Variants in GRID1 observed in about 807,000 individuals in gnomAD.
GRID1 encodes glutamate receptor ionotropic, delta-1.
In GRID1, 28 loss-of-function variants were observed where a neutral mutation model predicts 98.0. That is an observed-to-expected ratio of 0.29 (90% confidence interval 0.21 to 0.39). The LOEUF (loss-of-function observed/expected upper bound fraction) is 0.39. GRID1 is among the 10% of genes least tolerant of loss of function. The pLI is 1.00. For missense variants in GRID1, 1,111 were observed against 1,340.5 expected (o/e 0.83, Z 2.67); for synonymous variants, 553 against 538.5 (o/e 1.03, Z -0.37).
At chr10:85,792,766 T>C (rs1590234446) in intron 8 of GRID1, among the ~76,000 whole-genome samples, 1 of 152,292 alleles carries the variant, frequency 6.6e-6, no homozygotes, top group East Asian at 1.9e-4. Flanking sequence ...AGTGGAATGA[T>C]GGAAATGACA....
chr10:85,882,276 T>G (rs1400767163), intron 5 of GRID1, among the ~76,000 whole-genome samples: 4 of 152,210 alleles, frequency 2.6e-5, no homozygotes, highest in African/African-American at 4.8e-5. Flanking sequence ...TTACTGGATA[T>G]ATACCCAAAG....
At chr10:85,664,615 C>A (rs987860164) in intron 12 of GRID1, among the ~76,000 whole-genome samples, 1 of 152,138 alleles carries the variant, frequency 6.6e-6, no homozygotes, top group African/African-American at 2.4e-5. Flanking sequence ...CACTGACAGC[C>A]GAGCTTGAAG....
At chr10:86,288,444 A>T (rs1259715298) in intron 2 of GRID1, among the ~76,000 whole-genome samples, 2 of 152,216 alleles carry the variant, frequency 1.3e-5, no homozygotes, top group African/African-American at 4.8e-5. Context: ...GCCTACAAGT[A>T]AGGCTTTTAG....
chr10:85,866,818 G>A (rs951613161), intron 6 of GRID1, among the ~76,000 whole-genome samples: 5 of 152,132 alleles, frequency 3.3e-5, no homozygotes, highest in Non-Finnish European at 7.3e-5. Flanking sequence ...TTTGAACCCA[G>A]GTGACTTGAT....
At chr10:86,325,626 A>T (rs1848038289) in intron 2 of GRID1, among the ~76,000 whole-genome samples, 1 of 152,256 alleles carries the variant, frequency 6.6e-6, no homozygotes, top group African/African-American at 2.4e-5. Context: ...GAACACTTAA[A>T]ACATTCTTTT....
intron 4 of GRID1, among the ~76,000 whole-genome samples, chr10:86,057,093 C>A (rs1342753588): frequency 6.6e-6 from 1 of 152,214 alleles, no homozygotes; most frequent in Non-Finnish European, 1.5e-5. Flanking sequence ...CCTCGAGAAC[C>A]CTCCAGTGAG....
intron 2 of GRID1, among the ~76,000 whole-genome samples, chr10:86,216,300 T>C (rs983932573): frequency 6.6e-6 from 1 of 152,236 alleles, no homozygotes; most frequent in Non-Finnish European, 1.5e-5. Context: ...GAAGCAGAGA[T>C]ATTCAGAAGA....
Position 85,708,403 on chromosome 10 carries a change from CAA to C in GRID1, c.1997+14598_1997+14599del, listed in dbSNP as rs61626333. ...TGGGGCACAAAGCAAGACTCTGTCT[CAA>C]AAAAAAAAAAAATACAAGATTAATA... On this transcript the variant is annotated intron_variant, in intron 12 of 15. Coordinates refer to ENST00000327946, the MANE Select transcript of GRID1 (RefSeq NM_017551.3). 2.8e-3 allele frequency among the ~76,000 whole-genome samples: 310 copies of C among 110,634 alleles called. 2 individuals carry two copies. Among genetic ancestry groups the C allele is most frequent in the Non-Finnish European group, 4.5e-3 (224 of 49,646 alleles). The allele number at this position is 110,634 out of a possible 152,430, so 72.6% of individuals were successfully genotyped here.
intron 8 of GRID1, among the ~76,000 whole-genome samples, chr10:85,782,909 T>A (rs956537353): frequency 6.6e-6 from 1 of 152,098 alleles, no homozygotes; most frequent in Non-Finnish European, 1.5e-5. Flanking sequence ...AAGACACACA[T>A]TGACATGGGA....
At chr10:86,042,954 G>A (rs372817362) in intron 4 of GRID1, among the ~76,000 whole-genome samples, 19 of 152,148 alleles carry the variant, frequency 1.2e-4, no homozygotes, top group African/African-American at 3.9e-4. Flanking sequence ...GCATGGTGGT[G>A]TGTGCCTGTA....
chr10:85,808,120 G>T (rs78321749), intron 8 of GRID1, among the ~76,000 whole-genome samples: 5,028 of 152,168 alleles, frequency 0.033, 126 homozygotes, highest in Non-Finnish European at 0.047. Flanking sequence ...TCAAAATGTA[G>T]AAAATAACTG....
intron 5 of GRID1, among the ~76,000 whole-genome samples, chr10:85,899,541 A>G (rs1437917899): frequency 6.6e-6 from 1 of 152,230 alleles, no homozygotes; most frequent in African/African-American, 2.4e-5. Context: ...CAATCCTATT[A>G]TAACTGAGAT....
chr10:85,784,165 C>A (rs1295313479), intron 8 of GRID1, among the ~76,000 whole-genome samples: 1 of 152,180 alleles, frequency 6.6e-6, no homozygotes, highest in Non-Finnish European at 1.5e-5. Context: ...CCTTCTCTTG[C>A]AAGAATTATT....
At chr10:86,040,082 G>A (rs1232237242) in intron 4 of GRID1, among the ~76,000 whole-genome samples, 2 of 152,144 alleles carry the variant, frequency 1.3e-5, no homozygotes, top group Non-Finnish European at 2.9e-5. Flanking sequence ...CCACTGTTGT[G>A]GGGCCTGAAA....
At chr10:86,290,653 AAAAATAAAAT>A (rs55827038) in intron 2 of GRID1, among the ~76,000 whole-genome samples, 118,663 of 149,580 alleles carry the variant, frequency 0.79, 48,963 homozygotes, top group Non-Finnish European at 0.91. Flanking sequence ...ACTCTGTCTC[AAAAATAAAAT>A]AAAATAAAAT....
chr10:85,729,100 C>G (rs562036232), intron 9 of GRID1, among the ~76,000 whole-genome samples: 13 of 152,252 alleles, frequency 8.5e-5, no homozygotes, highest in Admixed American at 7.8e-4. Context: ...TCACATGAGC[C>G]CATCACTGGT....
intron 2 of GRID1, among the ~76,000 whole-genome samples, chr10:86,280,912 C>T (rs1341428204): frequency 6.6e-6 from 1 of 152,184 alleles, no homozygotes; most frequent in Admixed American, 6.5e-5. Context: ...CATCCAAATC[C>T]TTCTCAACCC....
chr10:85,750,576 G>T (rs1842037430), intron 8 of GRID1, among the ~76,000 whole-genome samples: 1 of 152,114 alleles, frequency 6.6e-6, no homozygotes, highest in Non-Finnish European at 1.5e-5. Context: ...TTCGATTTTT[G>T]CTTATAAAAT....
chr10:85,737,673 T>TATATATATATATATATA (rs1342754070), intron 8 of GRID1, among the ~76,000 whole-genome samples: 1 of 113,036 alleles, frequency 8.8e-6, no homozygotes, highest in South Asian at 2.8e-4. Flanking sequence ...TATATATATA[T>TATATATATATATATATA]AAACATATAT....
Sources: allele counts gnomAD v4.1 joint callset (sites outside exome capture counted in the v4.1 genomes callset), GRCh38; gene constraint gnomAD v4.1.1; transcripts MANE v1.5; gene names NCBI Gene and HGNC (gene_info 2026-07-23, HGNC 2026-07-21).